GFRAL: variants seen among roughly 807,000 people sequenced by gnomAD.
The protein encoded by GFRAL is GDNF family receptor alpha like.
In GFRAL, 36 loss-of-function variants were observed where a neutral mutation model predicts 45.4. That is an observed-to-expected ratio of 0.79 (90% CI 0.61 to 1.05). The LOEUF (loss-of-function observed/expected upper bound fraction) is 1.05, where lower values mean the gene tolerates loss of function less well. Ranked by LOEUF, GFRAL falls within the 50% of genes least tolerant of loss-of-function variation. The pLI is 0.00. For missense variants in GFRAL, 507 were observed against 467.5 expected, an observed-to-expected ratio of 1.08 and a Z score of -0.78; for synonymous variants, 166 against 154.1, an observed-to-expected ratio of 1.08 and a Z score of -0.57.
At chr6:55,358,382 G>A (rs1159469909) in intron 5 of GFRAL, among the ~76,000 whole-genome samples, 1 of 151,644 alleles carries the variant, frequency 6.6e-6, no homozygotes, top group East Asian at 1.9e-4. Context: ...AATACATACA[G>A]AAATTTTATA....
At chr6:55,391,150 ACT>A (rs71805303) in intron 6 of GFRAL, among the ~76,000 whole-genome samples, 19,311 of 151,728 alleles carry the variant, frequency 0.13, 1,441 homozygotes, top group African/African-American at 0.21. Context: ...TTCTACAGCC[ACT>A]GTTCTTGGAT....
rs543924880 is a variant in GFRAL at position 55,402,373 on chromosome 6, A to T, written c.*520A>T. 1 of 152,284 alleles carries T rather than the reference A, an allele frequency of 6.6e-6. No individual in the cohort carries two copies. The highest frequency in any genetic ancestry group is 1.9e-4 in the East Asian group (1 of 5,176). 9.4% of individuals were successfully genotyped at this position (152,284 alleles called of 1,614,324 possible). On this transcript the variant is annotated 3_prime_UTR_variant, in exon 9 of 9. Transcript: ENST00000340465. Reference sequence around the variant, plus strand: ...AAAATGTTAAAATAGACTTAAAAATATTGCTTTGTTACATATAATAATATG... The same window carrying T: ...AAAATGTTAAAATAGACTTAAAAATTTTGCTTTGTTACATATAATAATATG...
intron 5 of GFRAL, among the ~76,000 whole-genome samples, chr6:55,356,597 T>C (rs62419069): frequency 0.16 from 24,707 of 151,802 alleles, 2,297 homozygotes; most frequent in African/African-American, 0.25. Context: ...GGTCTTCTGT[T>C]TCTTTTTATT....
At chr6:55,330,924 T>C (rs971422473) in intron 1 of GFRAL, among the ~76,000 whole-genome samples, 1 of 152,170 alleles carries the variant, frequency 6.6e-6, no homozygotes, top group Non-Finnish European at 1.5e-5. Context: ...TGGAAAATAG[T>C]CTACCACAAA....
intron 6 of GFRAL, among the ~76,000 whole-genome samples, chr6:55,368,514 C>A (rs530513328): frequency 6.6e-6 from 1 of 151,928 alleles, no homozygotes; most frequent in Non-Finnish European, 1.5e-5. Flanking sequence ...GGAGGAGAGG[C>A]ACTCTGCTTT....
chr6:55,361,074 T>G (rs1326248256), intron 6 of GFRAL, among the ~76,000 whole-genome samples: 2 of 152,018 alleles, frequency 1.3e-5, no homozygotes, highest in African/African-American at 4.8e-5. Flanking sequence ...AGATAGACAT[T>G]TAAAATTGTG....
chr6:55,367,159 C>T (rs200195197), intron 6 of GFRAL, among the ~76,000 whole-genome samples: 5,071 of 112,618 alleles, frequency 0.045, 869 homozygotes, highest in East Asian at 0.35. Context: ...GGATAGTTAG[C>T]TCTTCTTGTT....
chr6:55,359,175 TATCTATCTATC>T (rs1342530693), intron 6 of GFRAL, 37 bp downstream of exon 6: 5 of 1,542,714 alleles, frequency 3.2e-6, no homozygotes, highest in East Asian at 4.5e-5. Flanking sequence ...TCTATCTATC[TATCTATCTATC>T]ATCTATCTAT....
chr6:55,389,555 A>G (rs1768721717), intron 6 of GFRAL, among the ~76,000 whole-genome samples: 1 of 152,158 alleles, frequency 6.6e-6, no homozygotes, highest in South Asian at 2.1e-4. Context: ...CTCACAAAAA[A>G]ACAGTAAATA....
chr6:55,330,310 T>G (rs1032641373), intron 1 of GFRAL, among the ~76,000 whole-genome samples: 1 of 152,124 alleles, frequency 6.6e-6, no homozygotes, highest in African/African-American at 2.4e-5. Context: ...CTGTGTTTGG[T>G]GACAAAAATA....
chr6:55,329,556 A>G (rs1767804859), intron 1 of GFRAL, among the ~76,000 whole-genome samples: 2 of 152,234 alleles, frequency 1.3e-5, no homozygotes, highest in African/African-American at 4.8e-5. Flanking sequence ...TCTTTGGAAA[A>G]CTGGATTTGA....
At chr6:55,342,330 C>A (rs1248608899) in intron 3 of GFRAL, among the ~76,000 whole-genome samples, 1 of 152,276 alleles carries the variant, frequency 6.6e-6, no homozygotes, top group Non-Finnish European at 1.5e-5. Flanking sequence ...GATCTCTCGG[C>A]AGAAACTCTA....
chr6:55,377,020 T>C (rs1768544219), intron 6 of GFRAL, among the ~76,000 whole-genome samples: 1 of 151,994 alleles, frequency 6.6e-6, no homozygotes, highest in Non-Finnish European at 1.5e-5. Context: ...CCTGAGCTCA[T>C]GTCTCTTTTG....
At chr6:55,374,541 A>G (rs1356304166) in intron 6 of GFRAL, among the ~76,000 whole-genome samples, 3 of 152,162 alleles carry the variant, frequency 2.0e-5, no homozygotes, top group African/African-American at 7.2e-5. Context: ...TCTTTGCCAA[A>G]TGGAAAGATT....
chr6:55,390,717 G>A (rs374319653), intron 6 of GFRAL, among the ~76,000 whole-genome samples: 2 of 151,988 alleles, frequency 1.3e-5, no homozygotes, highest in East Asian at 1.9e-4. Flanking sequence ...GTGAAACCCC[G>A]TCTCTACTAA....
chr6:55,393,137 C>CG (rs1768776420), intron 6 of GFRAL, among the ~76,000 whole-genome samples: 1 of 140,184 alleles, frequency 7.1e-6, no homozygotes, highest in Non-Finnish European at 1.7e-5. Flanking sequence ...TGCCTGCACA[C>CG]ATTTTATAAA....
At chr6:55,398,828 ACTT>A (rs1768859468) in intron 6 of GFRAL, among the ~76,000 whole-genome samples, 1 of 152,172 alleles carries the variant, frequency 6.6e-6, no homozygotes, top group Admixed American at 6.5e-5. Flanking sequence ...TAAAATAATC[ACTT>A]TTGTAAAGAA....
At chr6:55,341,875 T>C (rs1767970948) in intron 3 of GFRAL, among the ~76,000 whole-genome samples, 1 of 151,916 alleles carries the variant, frequency 6.6e-6, no homozygotes, top group African/African-American at 2.4e-5. Flanking sequence ...ACATGATGAA[T>C]GCACAAGCTT....
chr6:55,369,135 A>C (rs369524884), intron 6 of GFRAL, among the ~76,000 whole-genome samples: 1 of 151,454 alleles, frequency 6.6e-6, no homozygotes, highest in Non-Finnish European at 1.5e-5. Flanking sequence ...TGCTGGATAG[A>C]ATCTCATGGT....
Sources: gnomAD v4.1 joint callset for allele counts (sites outside exome capture counted in the v4.1 genomes callset) on GRCh38, gnomAD v4.1.1 for gene constraint, MANE v1.5 for transcripts, NCBI Gene and HGNC (gene_info 2026-07-23, HGNC 2026-07-21) for gene names.